The following PDGFRA variants were observed in gnomAD, a reference collection of about 807,000 sequenced individuals.
PDGFRA encodes platelet derived growth factor receptor alpha.
Under a neutral mutation model 121.5 loss-of-function variants are expected in PDGFRA, and 25 were observed. The observed-to-expected ratio is 0.21, with a 90% CI of 0.15 to 0.29. The LOEUF (loss-of-function observed/expected upper bound fraction) is 0.29. Among genes scored for constraint, PDGFRA ranks in the 10% least tolerant of loss-of-function variants. The pLI, the probability that PDGFRA is intolerant of heterozygous loss-of-function variation, is 1.00. For missense variants in PDGFRA, 1,008 were observed against 1,345.1 expected, an observed-to-expected ratio of 0.75 and a Z score of 3.92; for synonymous variants, 463 against 494.8, an observed-to-expected ratio of 0.94 and a Z score of 0.85.
At chr4:54,259,400 A>T (rs931587380) in intron 2 of PDGFRA, among the ~76,000 whole-genome samples, 4 of 152,256 alleles carry the variant, frequency 2.6e-5, no homozygotes. Flanking sequence ...TTGAGGAAAG[A>T]TGCTTACATT....
chr4:54,258,001 CT>C (rs1035922371), intron 1 of PDGFRA, among the ~76,000 whole-genome samples: 2 of 152,170 alleles, frequency 1.3e-5, no homozygotes, highest in African/African-American at 4.8e-5. Context: ...GGTGCTTTTA[CT>C]TTAACATGAA....
chr4:54,257,007 C>T (rs1180296521), intron 1 of PDGFRA, among the ~76,000 whole-genome samples: 1 of 152,000 alleles, frequency 6.6e-6, no homozygotes, highest in East Asian at 1.9e-4. Context: ...CCAGCCTGGG[C>T]AACAGTGCAA....
At chr4:54,259,217 G>A (rs1480089010) in intron 2 of PDGFRA, among the ~76,000 whole-genome samples, 2 of 152,126 alleles carry the variant, frequency 1.3e-5, no homozygotes, top group Non-Finnish European at 2.9e-5. Flanking sequence ...GCTGAGGTGG[G>A]ATGATCCCTT....
intron 13 of PDGFRA, 125 bp downstream of exon 13, chr4:54,277,617 G>A: frequency 1.3e-6 from 1 of 748,864 alleles, no homozygotes; most frequent in South Asian, 1.5e-5. Flanking sequence ...TGATTATTTT[G>A]ACTCCAGGTT....
At chr4:54,283,256 G>C (rs1407951641) in intron 16 of PDGFRA, among the ~76,000 whole-genome samples, 1 of 152,204 alleles carries the variant, frequency 6.6e-6, no homozygotes, top group Non-Finnish European at 1.5e-5. Flanking sequence ...CCTGCAGCAT[G>C]CTTCTGTCTG....
At chr4:54,264,081 C>T in intron 4 of PDGFRA, 154 bp downstream of exon 4, 1 of 673,350 alleles carries the variant, frequency 1.5e-6, no homozygotes. Context: ...ATGTCTGTGG[C>T]TATAATAATA....
rs757399722 is a variant in PDGFRA, at chr4:54,285,503, C to T, written c.2439+17C>T. On this transcript the variant is annotated intron_variant, in intron 17 of 22. Coordinates refer to ENST00000257290, the MANE Select transcript of PDGFRA (RefSeq NM_006206.6). Reference sequence around the variant, plus strand: ...TCAAAAAATGTAAGTTCAAGGAACACAGACCTTTTTAGACCCAGATTTCAG... The same window carrying T: ...TCAAAAAATGTAAGTTCAAGGAACATAGACCTTTTTAGACCCAGATTTCAG... 2.0e-5 allele frequency: 22 copies of T among 1,110,654 alleles called. No individual in the cohort carries two copies. In the Admixed American group the frequency reaches 3.5e-4, roughly 18 times the overall value. The allele number at this position is 1,110,654 out of a possible 1,614,324, so 68.8% of individuals were successfully genotyped here.
intron 5 of PDGFRA, 129 bp from the exon 6 acceptor site, chr4:54,267,160 C>T: frequency 2.3e-6 from 2 of 886,144 alleles, no homozygotes; most frequent in South Asian, 1.3e-5. Flanking sequence ...AACATCCCTA[C>T]CATCCATTTG....
At chr4:54,230,056 A>T (rs1299295137) in intron 1 of PDGFRA, 1 of 152,358 alleles carries the variant, frequency 6.6e-6, no homozygotes, top group African/African-American at 2.4e-5. Context: ...CCTACAGCAC[A>T]GGGAGCCGGC....
chr4:54,246,502 A>G (rs1488362657), intron 1 of PDGFRA, among the ~76,000 whole-genome samples: 2 of 152,230 alleles, frequency 1.3e-5, no homozygotes, highest in Non-Finnish European at 2.9e-5. Flanking sequence ...AGAAATAAAG[A>G]TGTTCTTTGA....
chr4:54,264,109 G>T, intron 4 of PDGFRA, 182 bp downstream of exon 4: 1 of 614,456 alleles, frequency 1.6e-6, no homozygotes, highest in Non-Finnish European at 2.8e-6. Context: ...AATTACTAAA[G>T]GCCAAAGCTT....
At chr4:54,275,013 C>T in intron 12 of PDGFRA, 40 bp downstream of exon 12, 1 of 1,610,554 alleles carries the variant, frequency 6.2e-7, no homozygotes, top group East Asian at 2.2e-5. Flanking sequence ...TCCCTTTTCC[C>T]TTGCACACAA....
chr4:54,231,167 G>C (rs1487736139), intron 1 of PDGFRA, among the ~76,000 whole-genome samples: 1 of 152,232 alleles, frequency 6.6e-6, no homozygotes, highest in Admixed American at 6.5e-5. Flanking sequence ...CAGGATGTGC[G>C]CAAGGAGTGC....
At chr4:54,256,143 G>C (rs1020880854) in intron 1 of PDGFRA, among the ~76,000 whole-genome samples, 1 of 152,168 alleles carries the variant, frequency 6.6e-6, no homozygotes, top group East Asian at 1.9e-4. Context: ...AGTACTTTGG[G>C]AGGCCAACGC....
chr4:54,260,849 C>T (rs1163710269), intron 2 of PDGFRA, among the ~76,000 whole-genome samples: 1 of 152,132 alleles, frequency 6.6e-6, no homozygotes, highest in African/African-American at 2.4e-5. Context: ...CAGACATCCT[C>T]TGTCTATTTG....
intron 1 of PDGFRA, among the ~76,000 whole-genome samples, chr4:54,250,658 C>T (rs926685243): frequency 2.6e-5 from 4 of 152,188 alleles, no homozygotes. Context: ...TGTCCTAAGA[C>T]TTTTGTCACC....
At chr4:54,260,882 G>A (rs1460564184) in intron 2 of PDGFRA, among the ~76,000 whole-genome samples, 2 of 152,176 alleles carry the variant, frequency 1.3e-5, no homozygotes, top group Admixed American at 6.5e-5. Flanking sequence ...GGTGAATCTA[G>A]TGGGGCTTGG....
chr4:54,295,231 G>A lies in PDGFRA; in HGVS notation c.3229G>A (p.Gly1077Ser), dbSNP rs752633017. 1.1e-5 allele frequency: 17 copies of A among 1,613,986 alleles called. No individual in the cohort carries two copies. The highest frequency in any genetic ancestry group is 1.4e-5 in the Non-Finnish European group (16 of 1,179,894). ...IEDIDMMDDI[G>S]IDSSDLVEDS... is the part of the protein sequence containing the mutation. ...AGACATCGACATGATGGATGACATC[G>A]GCATAGACTCTTCAGACCTGGTGGA... Residue 1077 changes from glycine to serine, a missense_variant, in exon 23 of 23, where the codon GGC (glycine) becomes AGC (serine). Coordinates refer to ENST00000257290, the MANE Select transcript of PDGFRA (RefSeq NM_006206.6).
chr4:54,272,287 T>C (rs1723443147), intron 8 of PDGFRA, 107 bp from the exon 9 acceptor site: 2 of 1,172,390 alleles, frequency 1.7e-6, no homozygotes, highest in East Asian at 2.3e-5. Flanking sequence ...CCCTCCGGAG[T>C]GTTTTGAATG....
Sources: gnomAD v4.1 joint callset for allele counts (sites outside exome capture counted in the v4.1 genomes callset) on GRCh38, gnomAD v4.1.1 for gene constraint, MANE v1.5 for transcripts, NCBI Gene and HGNC (gene_info 2026-07-23, HGNC 2026-07-21) for gene names.